MAP3K2: variants seen among roughly 807,000 people sequenced by gnomAD.
The protein encoded by MAP3K2 is mitogen-activated protein kinase kinase kinase 2.
In MAP3K2, 24 loss-of-function variants were observed where a neutral mutation model predicts 80.3. The ratio of observed to expected loss-of-function variants is 0.30; its 90% CI spans 0.22 to 0.42. The LOEUF is 0.42. MAP3K2 is among the 10% of genes least tolerant of loss of function. The pLI, the probability that MAP3K2 is intolerant of heterozygous loss-of-function variation, is 1.00. For synonymous variants in MAP3K2, 244 were observed against 253.7 expected, an observed-to-expected ratio of 0.96 and a Z score of 0.36; for missense variants, 608 against 750.1, an observed-to-expected ratio of 0.81 and a Z score of 2.21.
At chr2:127,367,424 G>T (rs923920494) in intron 1 of MAP3K2, among the ~76,000 whole-genome samples, 2 of 152,128 alleles carry the variant, frequency 1.3e-5, no homozygotes, top group Non-Finnish European at 2.9e-5. Context: ...ACATAATGTT[G>T]ATCTATCTCT....
rs1685551096 is a variant in MAP3K2, at chr2:127,299,555, T to C, written c.*8024A>G. 6.6e-6 allele frequency: 1 copy of C among 152,144 alleles called. No individual in the cohort carries two copies. Among genetic ancestry groups the C allele is most frequent in the African/African-American group, 2.4e-5 (1 of 41,436 alleles). The allele number at this position is 152,144 out of a possible 1,614,324, so 9.4% of individuals were successfully genotyped here. On this transcript the variant is annotated 3_prime_UTR_variant, in exon 17 of 17. Coordinates refer to ENST00000682094, the MANE Select transcript of MAP3K2 (RefSeq NM_001371910.2). ...CGAGACAATTTAGTTTCTCACATTT[T>C]TCCATAGCTCTGAGAATTCAAAGGC...
rs1167414949 is a variant in MAP3K2 at position 127,301,791 on chromosome 2, CTCA to C, written c.*5785_*5787del. 2 of 152,204 alleles carry C rather than the reference CTCA, an allele frequency of 1.3e-5. No homozygotes were observed. The highest frequency in any genetic ancestry group is 3.8e-4 in the East Asian group (2 of 5,206). 9.4% of individuals were successfully genotyped at this position (152,204 alleles called of 1,614,324 possible). The stretch of plus-strand genomic sequence containing the variant: ...TCTTTACTGTAGCTATGACTCCTCC[CTCA>C]TCTTTCTGAAGCTCAACCTTGAATG... On this transcript the variant is annotated 3_prime_UTR_variant, in exon 17 of 17. Transcript: ENST00000682094.
At chr2:127,376,489 C>G (rs564808270) in intron 1 of MAP3K2, among the ~76,000 whole-genome samples, 2 of 152,178 alleles carry the variant, frequency 1.3e-5, no homozygotes, top group Non-Finnish European at 2.9e-5. Flanking sequence ...GGTCCCCTAG[C>G]CCGCTCTTTC....
Position 127,307,605 on chromosome 2 carries a change from T to G in MAP3K2, c.1834A>C (p.Arg612=). The change falls in exon 17 of 17, where the codon AGG becomes CGG. Residue 612 remains arginine (R), a synonymous_variant. Transcript: ENST00000682094. This position sits in a 1 kb window ranked among gnomAD's most constrained non-coding sequence, Gnocchi z 5.4. ...TAGTGATAATGCACAAACATGTGCC[T>G]TAAGAGTTCATCAGCTGAAGGTCTC... is the stretch of plus-strand genomic sequence containing the variant. The part of the protein sequence containing the change: ...KLRPSADELL[R]HMFVHYH 2 of 1,574,916 alleles carry G rather than the reference T, an allele frequency of 1.3e-6. No homozygotes were observed. The highest frequency in any genetic ancestry group is 1.7e-6 in the Non-Finnish European group (2 of 1,159,590).
chr2:127,381,119 A>T (rs535509205), intron 1 of MAP3K2, among the ~76,000 whole-genome samples: 1 of 152,200 alleles, frequency 6.6e-6, no homozygotes, highest in African/African-American at 2.4e-5. Context: ...CTCCTGCCTT[A>T]ACCTCCTGAG....
intron 1 of MAP3K2, among the ~76,000 whole-genome samples, chr2:127,346,022 T>TA (rs56656556): frequency 0.014 from 2,101 of 147,558 alleles, 51 homozygotes; most frequent in African/African-American, 0.048. Context: ...CACTGAAATT[T>TA]AAAAAAAAAA....
intron 1 of MAP3K2, among the ~76,000 whole-genome samples, chr2:127,348,161 T>C (rs1423846617): frequency 6.6e-6 from 1 of 152,078 alleles, no homozygotes; most frequent in Non-Finnish European, 1.5e-5. Context: ...GCTGAGATAA[T>C]TGGATCACTT....
At chr2:127,374,639 G>A (rs1558990922) in intron 1 of MAP3K2, among the ~76,000 whole-genome samples, 2 of 152,168 alleles carry the variant, frequency 1.3e-5, no homozygotes, top group South Asian at 2.1e-4. Context: ...TTTGGAAAAC[G>A]TAGATATGTA....
Position 127,318,175 on chromosome 2 carries a change from G to C in MAP3K2, c.1188C>G (p.Thr396=). Residue 396 remains threonine, a synonymous_variant, in exon 13 of 17, where the codon ACC becomes ACG. Coordinates refer to ENST00000682094, the MANE Select transcript of MAP3K2 (RefSeq NM_001371910.2). ...TTTGTGCAGTGATTTTTACCTTGCTGGTCTCAGGACTATCGGGGTCAAATT... is the reference window on the plus strand; with the variant it reads ...TTTGTGCAGTGATTTTTACCTTGCTCGTCTCAGGACTATCGGGGTCAAATT... ...QVQFDPDSPE[T]SKEVNALECE... The C allele has an allele frequency of 6.3e-7, 1 of 1,588,764 alleles. No individual in the cohort carries two copies. Among genetic ancestry groups the C allele is most frequent in the Non-Finnish European group, 8.5e-7 (1 of 1,170,690 alleles).
intron 1 of MAP3K2, among the ~76,000 whole-genome samples, chr2:127,366,724 T>C (rs1686977886): frequency 6.6e-6 from 1 of 152,142 alleles, no homozygotes; most frequent in African/African-American, 2.4e-5. Flanking sequence ...CCCTACCTTT[T>C]TGGCTAACAT....
rs1307062346 is a variant in MAP3K2 at position 127,339,479 on chromosome 2, GT to G, written c.5-430del. On this transcript the variant is annotated intron_variant, in intron 2 of 16. Coordinates refer to ENST00000682094, the MANE Select transcript of MAP3K2 (RefSeq NM_001371910.2). This position sits in a 1 kb window ranked among gnomAD's most constrained non-coding sequence, Gnocchi z 4.2. ...CAAAGTACAGACTTAATTTTGGAAG[GT>G]TTTTTTATTCTTTCATCAATACTTA... Among the ~76,000 whole-genome samples the G allele has an allele frequency of 1.3e-5, 2 of 152,028 alleles. No homozygotes were observed. Among genetic ancestry groups the G allele is most frequent in the East Asian group, 1.9e-4 (1 of 5,190 alleles).
chr2:127,369,739 G>A (rs1175868102), intron 1 of MAP3K2, among the ~76,000 whole-genome samples: 1 of 152,186 alleles, frequency 6.6e-6, no homozygotes, highest in Admixed American at 6.5e-5. Flanking sequence ...TATATCCCAA[G>A]TACAGTCAAG....
chr2:127,381,817 T>C (rs72848624), intron 1 of MAP3K2, among the ~76,000 whole-genome samples: 5,161 of 152,216 alleles, frequency 0.034, 126 homozygotes, highest in Middle Eastern at 0.071. Context: ...TAGGTATTCT[T>C]GTCCAAAATG....
chr2:127,341,498 T>C (rs555529586), intron 2 of MAP3K2, among the ~76,000 whole-genome samples: 1 of 150,908 alleles, frequency 6.6e-6, no homozygotes, highest in South Asian at 2.1e-4. Context: ...ACTTACGTAC[T>C]TATGGGTAAG....
At chr2:127,347,340 A>C (rs1686614543) in intron 1 of MAP3K2, among the ~76,000 whole-genome samples, 1 of 152,186 alleles carries the variant, frequency 6.6e-6, no homozygotes, top group Non-Finnish European at 1.5e-5. Flanking sequence ...AGGAAAACCT[A>C]AGAAACAAAC....
rs1685692962 is a variant in MAP3K2 at position 127,306,107 on chromosome 2, A to G, written c.*1472T>C. 1 of 152,010 alleles carries G rather than the reference A, an allele frequency of 6.6e-6. No individual in the cohort carries two copies. The highest frequency in any genetic ancestry group is 6.6e-5 in the Admixed American group (1 of 15,258). 9.4% of individuals were successfully genotyped at this position (152,010 alleles called of 1,614,324 possible). A position where few individuals can be genotyped will look rare whatever the true frequency, so the allele number is the denominator to read the frequency against. ...TATTTGCTGTTTGTTGAGATTATTC[A>G]CCCTTGACTTAAAGCAGCAGTATCT... On this transcript the variant is annotated 3_prime_UTR_variant, in exon 17 of 17. Transcript: ENST00000682094. The surrounding 1 kb of genome is among the most constrained non-coding windows in gnomAD (Gnocchi z 4.7).
chr2:127,302,462 C>T lies in MAP3K2; in HGVS notation c.*5117G>A, dbSNP rs1031559907. The T allele has an allele frequency of 1.6e-5, 2 of 123,660 alleles. No individual in the cohort carries two copies. The highest frequency in any genetic ancestry group is 3.4e-5 in the Non-Finnish European group (2 of 58,204). The allele number at this position is 123,660 out of a possible 1,614,324, so 7.7% of individuals were successfully genotyped here. Reference sequence around the variant, plus strand: ...CTAACCACACACACACACACACACACATGCATGCAAACGCACACATACATG... The same window carrying T: ...CTAACCACACACACACACACACACATATGCATGCAAACGCACACATACATG... On this transcript the variant is annotated 3_prime_UTR_variant, in exon 17 of 17. Transcript: ENST00000682094.
At chr2:127,372,199 T>C (rs1687077161) in intron 1 of MAP3K2, among the ~76,000 whole-genome samples, 1 of 152,138 alleles carries the variant, frequency 6.6e-6, no homozygotes, top group South Asian at 2.1e-4. Flanking sequence ...TGATAGTGAT[T>C]ATTGAGGTGA....
upstream of MAP3K2, chr2:127,388,355 T>C (rs1383948398): frequency 1.0e-6 from 1 of 985,312 alleles, no homozygotes; most frequent in African/African-American, 1.7e-5. Context: ...GTAGCAGAGC[T>C]AGCAGAGGCA....
Sources: gnomAD v4.1 joint callset for allele counts (sites outside exome capture counted in the v4.1 genomes callset) on GRCh38, gnomAD v4.1.1 for gene constraint, Gnocchi (gnomAD v3.1) non-coding constraint, MANE v1.5 for transcripts, NCBI Gene and HGNC (gene_info 2026-07-23, HGNC 2026-07-21) for gene names.